FMNL2: variants seen among roughly 807,000 people sequenced by gnomAD.
FMNL2 encodes formin like 2.
In FMNL2, 51 loss-of-function variants were observed where a neutral mutation model predicts 130.2. The observed-to-expected ratio is 0.39, with a 90% CI of 0.31 to 0.49. FMNL2 has a LOEUF of 0.49. Among genes scored for constraint, FMNL2 ranks in the 20% least tolerant of loss-of-function variants. The pLI, the probability that FMNL2 is intolerant of heterozygous loss-of-function variation, is 0.85. For synonymous variants in FMNL2, 465 were observed against 467.1 expected (o/e 1.00, Z 0.06); for missense variants, 977 against 1,316.2 (o/e 0.74, Z 3.99).
At chr2:152,506,292 T>C (rs888627045) in intron 1 of FMNL2, among the ~76,000 whole-genome samples, 5 of 152,208 alleles carry the variant, frequency 3.3e-5, no homozygotes, top group African/African-American at 1.2e-4. Flanking sequence ...TTCCTTGGTA[T>C]CTATGGAGGA....
intron 1 of FMNL2, among the ~76,000 whole-genome samples, chr2:152,368,133 T>C (rs1235499099): frequency 6.6e-6 from 1 of 152,176 alleles, no homozygotes; most frequent in Non-Finnish European, 1.5e-5. Context: ...TCCTCAGAAG[T>C]GATGAGAAAC....
intron 1 of FMNL2, among the ~76,000 whole-genome samples, chr2:152,350,886 A>G (rs557350655): frequency 5.3e-5 from 8 of 152,212 alleles, no homozygotes; most frequent in Admixed American, 5.2e-4. Context: ...CTCTATTATA[A>G]ATACAAAAAT....
intron 2 of FMNL2, among the ~76,000 whole-genome samples, chr2:152,535,857 A>G (rs1693969020): frequency 1.3e-5 from 2 of 152,192 alleles, no homozygotes; most frequent in Admixed American, 1.3e-4. Context: ...TTTTCTGTCA[A>G]TTGTCCTCTC....
chr2:152,580,946 G>C lies in FMNL2; in HGVS notation c.783-10G>C, dbSNP rs1442778096. On this transcript the variant is annotated splice_polypyrimidine_tract_variant and intron_variant, in intron 8 of 25. Transcript: ENST00000288670. ...ACTGATTTGTGTTTTTCTTCTTCTT[G>C]TTTTGGCAGAACAAAAGCCCTTGTC... 7 of 1,611,702 alleles carry C rather than the reference G, an allele frequency of 4.3e-6. No homozygotes were observed. The highest frequency in any genetic ancestry group is 2.2e-5 in the East Asian group (1 of 44,826).
intron 1 of FMNL2, among the ~76,000 whole-genome samples, chr2:152,341,793 C>T (rs1560280398): frequency 1.3e-5 from 2 of 152,088 alleles, no homozygotes; most frequent in Non-Finnish European, 1.5e-5. Context: ...GTAGAATTCC[C>T]CAGGGTCAGT....
At chr2:152,440,529 G>A (rs1687999467) in intron 1 of FMNL2, among the ~76,000 whole-genome samples, 1 of 152,146 alleles carries the variant, frequency 6.6e-6, no homozygotes, top group Non-Finnish European at 1.5e-5. Flanking sequence ...ATAAAAAATA[G>A]TGTTTTCTTG....
intron 9 of FMNL2, among the ~76,000 whole-genome samples, chr2:152,583,210 C>A (rs1696887711): frequency 6.6e-6 from 1 of 152,170 alleles, no homozygotes; most frequent in Non-Finnish European, 1.5e-5. Context: ...AAACTGGCCT[C>A]ATTTCTGTAA....
At chr2:152,549,526 A>G (rs1247542719) in intron 4 of FMNL2, among the ~76,000 whole-genome samples, 1 of 152,216 alleles carries the variant, frequency 6.6e-6, no homozygotes, top group African/African-American at 2.4e-5. Context: ...AGGGGACGGA[A>G]GCTGGAATAA....
At chr2:152,608,363 A>G (rs1199590736) in intron 10 of FMNL2, among the ~76,000 whole-genome samples, 2 of 25,508 alleles carry the variant, frequency 7.8e-5, no homozygotes, top group Non-Finnish European at 2.3e-4. Context: ...TTTTTGTGAA[A>G]AAAAAAAAGA....
At chr2:152,455,687 T>G (rs775240394) in intron 1 of FMNL2, among the ~76,000 whole-genome samples, 5 of 152,232 alleles carry the variant, frequency 3.3e-5, no homozygotes, top group Non-Finnish European at 7.3e-5. Flanking sequence ...ATTGTAGTGA[T>G]ATGGATATAT....
At chr2:152,448,792 T>A (rs1244454833) in intron 1 of FMNL2, among the ~76,000 whole-genome samples, 1 of 152,238 alleles carries the variant, frequency 6.6e-6, no homozygotes, top group Non-Finnish European at 1.5e-5. Flanking sequence ...AAGAAAATCC[T>A]TGGAGAGTGC....
At chr2:152,472,554 A>T (rs1251301745) in intron 1 of FMNL2, among the ~76,000 whole-genome samples, 1 of 152,216 alleles carries the variant, frequency 6.6e-6, no homozygotes, top group Non-Finnish European at 1.5e-5. Context: ...TGCTTTGACT[A>T]TGGGATACTG....
chr2:152,373,388 T>G (rs10182858), intron 1 of FMNL2, among the ~76,000 whole-genome samples: 149,185 of 152,192 alleles, frequency 0.98, 73,198 homozygotes, highest in East Asian at 1. Context: ...TAGAAGGGTA[T>G]ATTTGGGTTT....
intron 9 of FMNL2, among the ~76,000 whole-genome samples, chr2:152,584,436 A>G (rs1366702283): frequency 3.3e-5 from 5 of 152,198 alleles, no homozygotes; most frequent in Non-Finnish European, 7.3e-5. Context: ...TGAAAGGATT[A>G]TCTTTGTTTT....
At chr2:152,567,978 C>T (rs1001904371) in intron 6 of FMNL2, among the ~76,000 whole-genome samples, 1 of 152,132 alleles carries the variant, frequency 6.6e-6, no homozygotes, top group Non-Finnish European at 1.5e-5. Context: ...TTGTGGAAAA[C>T]CTTTTTGCTA....
chr2:152,601,421 C>G (rs1698051431), intron 9 of FMNL2, among the ~76,000 whole-genome samples: 1 of 151,614 alleles, frequency 6.6e-6, no homozygotes, highest in Admixed American at 6.6e-5. Context: ...CTACCTCAGC[C>G]TCCTGAATAG....
chr2:152,636,309 AGGTTTAG>A lies in FMNL2; in HGVS notation c.2681-115_2681-109del, dbSNP rs1373275682. On this transcript the variant is annotated intron_variant, in intron 21 of 25. Transcript: ENST00000288670. ...ATCTCTGTGCCAAAAGCTGGAAGCTAGGTTTAGGGCCCTTGAGTAAGCCTAAGAATCT... is the reference window on the plus strand; with the variant it reads ...ATCTCTGTGCCAAAAGCTGGAAGCTAGGCCCTTGAGTAAGCCTAAGAATCT... 7.0e-5 allele frequency: 69 copies of A among 988,210 alleles called. No homozygotes were observed. In the East Asian group the frequency reaches 1.8e-3, roughly 26 times the overall value. The allele number at this position is 988,210 out of a possible 1,614,324, so 61.2% of individuals were successfully genotyped here. A position where few individuals can be genotyped will look rare whatever the true frequency, so the allele number is the denominator to read the frequency against.
chr2:152,375,877 C>CTCTCTCTCTATATATATATATA lies in FMNL2; in HGVS notation c.117+40158_117+40159insCTCTCTCTATATATATATATAT, dbSNP rs796954245. On this transcript the variant is annotated intron_variant, in intron 1 of 25. Transcript: ENST00000288670. ...TCTCTCTCTCTCTCTCTCTCTCTCT[C>CTCTCTCTCTATATATATATATA]TATATATATATATATATATAATTAT... 6.8e-4 allele frequency among the ~76,000 whole-genome samples: 76 copies of CTCTCTCTCTATATATATATATA among 112,450 alleles called. No homozygotes were observed. In the East Asian group the frequency reaches 8.7e-3, roughly 13 times the overall value. 73.8% of individuals were successfully genotyped at this position (112,450 alleles called of 152,430 possible).
chr2:152,395,385 A>G (rs1685337177), intron 1 of FMNL2, among the ~76,000 whole-genome samples: 1 of 152,246 alleles, frequency 6.6e-6, no homozygotes, highest in Non-Finnish European at 1.5e-5. Flanking sequence ...TCCTAAGAGG[A>G]AAAACTTCAT....
Sources: gnomAD v4.1 joint callset for allele counts (sites outside exome capture counted in the v4.1 genomes callset) on GRCh38, gnomAD v4.1.1 for gene constraint, MANE v1.5 for transcripts, NCBI Gene and HGNC (gene_info 2026-07-23, HGNC 2026-07-21) for gene names.